The following TOX variants were observed in gnomAD, a reference collection of about 807,000 sequenced individuals.
The protein encoded by TOX is thymocyte selection-associated high mobility group box protein TOX.
In TOX, 11 loss-of-function variants were observed where a neutral mutation model predicts 53.7. The ratio of observed to expected loss-of-function variants is 0.20; its 90% CI spans 0.13 to 0.34. The LOEUF (loss-of-function observed/expected upper bound fraction) is 0.34, where lower values mean the gene tolerates loss of function less well. Ranked by LOEUF, TOX falls within the 10% of genes least tolerant of loss-of-function variation. The pLI, the probability that TOX is intolerant of heterozygous loss-of-function variation, is 1.00. For missense variants in TOX, 570 were observed against 664.6 expected, an observed-to-expected ratio of 0.86 and a Z score of 1.56; for synonymous variants, 225 against 245.3, an observed-to-expected ratio of 0.92 and a Z score of 0.77.
intron 1 of TOX, among the ~76,000 whole-genome samples, chr8:58,970,091 C>A (rs185870478): frequency 7.9e-5 from 12 of 152,324 alleles, no homozygotes; most frequent in African/African-American, 1.9e-4. Flanking sequence ...AACAAATGCT[C>A]ATTTTGTGCC....
chr8:59,059,313 G>T (rs557332132), intron 1 of TOX, among the ~76,000 whole-genome samples: 2 of 152,038 alleles, frequency 1.3e-5, no homozygotes, highest in African/African-American at 4.8e-5. Flanking sequence ...GGGCTACCTT[G>T]GATGTTCTTC....
intron 2 of TOX, among the ~76,000 whole-genome samples, chr8:58,949,758 A>G (rs1227746246): frequency 6.6e-6 from 1 of 151,806 alleles, no homozygotes; most frequent in Non-Finnish European, 1.5e-5. Context: ...GCTAGGTTCT[A>G]TTTGCTAAGC....
At chr8:59,045,247 C>A (rs911415118) in intron 1 of TOX, among the ~76,000 whole-genome samples, 1 of 152,064 alleles carries the variant, frequency 6.6e-6, no homozygotes, top group South Asian at 2.1e-4. Context: ...ATTATTTAAA[C>A]GAGCTATATT....
chr8:58,826,037 G>A (rs1333866592), intron 6 of TOX, among the ~76,000 whole-genome samples: 2 of 152,128 alleles, frequency 1.3e-5, no homozygotes, highest in Non-Finnish European at 2.9e-5. Flanking sequence ...AGTATATTCA[G>A]TATGTATTTT....
chr8:59,037,673 G>A (rs971837338), intron 1 of TOX, among the ~76,000 whole-genome samples: 1 of 151,816 alleles, frequency 6.6e-6, no homozygotes, highest in African/African-American at 2.4e-5. Context: ...GTGGTGGCAG[G>A]CACCTGTAAT....
At chr8:59,022,425 G>C (rs1351982568) in intron 1 of TOX, among the ~76,000 whole-genome samples, 2 of 152,098 alleles carry the variant, frequency 1.3e-5, no homozygotes, top group African/African-American at 4.8e-5. Flanking sequence ...CGGCTTTCTA[G>C]ACCCCATTTA....
At chr8:59,057,325 T>C (rs1212514627) in intron 1 of TOX, among the ~76,000 whole-genome samples, 1 of 152,188 alleles carries the variant, frequency 6.6e-6, no homozygotes, top group East Asian at 1.9e-4. Flanking sequence ...CCTCTGACAC[T>C]ACACTGAGCC....
chr8:58,913,519 G>A (rs1811944322), intron 3 of TOX, among the ~76,000 whole-genome samples: 1 of 152,110 alleles, frequency 6.6e-6, no homozygotes. Flanking sequence ...ATGAATGCTT[G>A]TTTTCCATTT....
intron 1 of TOX, among the ~76,000 whole-genome samples, chr8:59,053,151 T>A (rs1803823822): frequency 6.6e-6 from 1 of 152,136 alleles, no homozygotes; most frequent in Non-Finnish European, 1.5e-5. Flanking sequence ...TTTAAAAAAA[T>A]GTTTTGCTTA....
intron 3 of TOX, among the ~76,000 whole-genome samples, chr8:58,878,057 G>C (rs963501346): frequency 2.6e-5 from 4 of 152,098 alleles, no homozygotes; most frequent in Admixed American, 6.5e-5. Context: ...ATCTCTCTCT[G>C]AGATTTCAGA....
chr8:59,093,396 G>A (rs1804659244), intron 1 of TOX, among the ~76,000 whole-genome samples: 1 of 152,190 alleles, frequency 6.6e-6, no homozygotes, highest in Non-Finnish European at 1.5e-5. Context: ...ACAGGTGGTG[G>A]TAGGTGCTCA....
chr8:58,892,037 G>A (rs1811568475), intron 3 of TOX, among the ~76,000 whole-genome samples: 1 of 152,032 alleles, frequency 6.6e-6, no homozygotes, highest in Non-Finnish European at 1.5e-5. Flanking sequence ...GATATTGTGT[G>A]AGAGGGAAAA....
At chr8:58,818,135 G>C (rs1194939982) in intron 6 of TOX, among the ~76,000 whole-genome samples, 1 of 152,010 alleles carries the variant, frequency 6.6e-6, no homozygotes, top group Non-Finnish European at 1.5e-5. Context: ...TTTTTTCATG[G>C]ATAATTAAAC....
At chr8:59,100,152 C>T (rs1804782510) in intron 1 of TOX, among the ~76,000 whole-genome samples, 1 of 152,080 alleles carries the variant, frequency 6.6e-6, no homozygotes, top group African/African-American at 2.4e-5. Context: ...TGGGTAACAT[C>T]ATAATTCTCA....
intron 1 of TOX, among the ~76,000 whole-genome samples, chr8:59,083,472 C>G (rs1347704357): frequency 6.6e-6 from 1 of 152,060 alleles, no homozygotes; most frequent in African/African-American, 2.4e-5. Flanking sequence ...AGTGCCTCAT[C>G]ATTTCAATTT....
intron 3 of TOX, among the ~76,000 whole-genome samples, chr8:58,923,029 A>G (rs1247775686): frequency 2.6e-5 from 4 of 152,228 alleles, no homozygotes; most frequent in African/African-American, 9.6e-5. Flanking sequence ...GGTGAGGGGC[A>G]GAATAGTGTG....
At chr8:58,880,859 C>A (rs1016794213) in intron 3 of TOX, among the ~76,000 whole-genome samples, 2 of 152,148 alleles carry the variant, frequency 1.3e-5, no homozygotes, top group Admixed American at 6.5e-5. Flanking sequence ...AACTTTTTAT[C>A]AATTTGGTTG....
chr8:58,921,498 A>G (rs1386855327), intron 3 of TOX, among the ~76,000 whole-genome samples: 1 of 152,216 alleles, frequency 6.6e-6, no homozygotes, highest in Non-Finnish European at 1.5e-5. Context: ...GTTAAGGCCC[A>G]TATAAGTTAA....
chr8:59,110,925 G>A (rs1401742606), intron 1 of TOX, among the ~76,000 whole-genome samples: 14 of 152,142 alleles, frequency 9.2e-5, no homozygotes, highest in African/African-American at 4.8e-5. Context: ...GAAATGGGCT[G>A]AGAATGCAGT....
Sources: gnomAD v4.1 joint callset for allele counts (sites outside exome capture counted in the v4.1 genomes callset) on GRCh38, gnomAD v4.1.1 for gene constraint, MANE v1.5 for transcripts, NCBI Gene and HGNC (gene_info 2026-07-23, HGNC 2026-07-21) for gene names.